GNG12: variants seen among roughly 807,000 people sequenced by gnomAD.
GNG12 encodes the protein G protein subunit gamma 12.
For synonymous variants in GNG12, 28 were observed against 29.7 expected, an observed-to-expected ratio of 0.94 and a Z score of 0.19; for missense variants, 69 against 83.8, an observed-to-expected ratio of 0.82 and a Z score of 0.69.
chr1:67,818,326 T>C lies in GNG12; in HGVS notation c.-77+15018A>G, dbSNP rs565729199. Among the ~76,000 whole-genome samples, 15 of 152,044 alleles carry C rather than the reference T, an allele frequency of 9.9e-5. No homozygotes were observed. The South Asian group carries it at 2.7e-3, about 27-fold the overall frequency. On this transcript the variant is annotated intron_variant, in intron 1 of 3. Transcript: ENST00000370982. ...AGAGATTTAAGGTTACACAGTGAGT[T>C]TGGACAACTTGGCCAATGTGAATCA...
intron 3 of GNG12, among the ~76,000 whole-genome samples, chr1:67,706,368 T>C (rs1199333082): frequency 1.3e-5 from 2 of 152,200 alleles, no homozygotes; most frequent in East Asian, 1.9e-4. Context: ...CAGGATTTAC[T>C]GTTAGAGATT....
chr1:67,804,339 G>A (rs1646882786), intron 1 of GNG12, among the ~76,000 whole-genome samples: 1 of 152,124 alleles, frequency 6.6e-6, no homozygotes. Flanking sequence ...TAGTTATGAA[G>A]ACAACTTCGT....
At chr1:67,748,418 C>A (rs986538399) in intron 2 of GNG12, among the ~76,000 whole-genome samples, 2 of 151,996 alleles carry the variant, frequency 1.3e-5, no homozygotes, top group African/African-American at 4.8e-5. Flanking sequence ...AAAAAAATAA[C>A]AATAATCTCT....
At chr1:67,793,654 C>T (rs934170692) in intron 1 of GNG12, among the ~76,000 whole-genome samples, 12 of 152,070 alleles carry the variant, frequency 7.9e-5, no homozygotes, top group Admixed American at 5.9e-4. Context: ...GGCTTTCTTC[C>T]GCTGTTCTCT....
At chr1:67,792,569 C>T (rs1056716828) in intron 1 of GNG12, among the ~76,000 whole-genome samples, 6 of 152,190 alleles carry the variant, frequency 3.9e-5, no homozygotes, top group African/African-American at 1.4e-4. Context: ...TTGCCTCTAA[C>T]TAAAGCCTCA....
chr1:67,705,666 A>T, intron 3 of GNG12, 90 bp from the exon 4 acceptor site: 1 of 1,463,534 alleles, frequency 6.8e-7, no homozygotes, highest in Non-Finnish European at 9.0e-7. Flanking sequence ...TATTGAATGG[A>T]AGACTGATTT....
intron 1 of GNG12, among the ~76,000 whole-genome samples, chr1:67,815,568 T>G (rs17130314): frequency 0.099 from 15,050 of 152,230 alleles, 891 homozygotes; most frequent in African/African-American, 0.11. Context: ...TGTGTCGAAA[T>G]GGAAGCGGTG....
intron 2 of GNG12, among the ~76,000 whole-genome samples, chr1:67,726,305 T>C (rs939446149): frequency 1.6e-4 from 24 of 152,244 alleles, no homozygotes; most frequent in Admixed American, 6.5e-5. Flanking sequence ...TCATATTATA[T>C]TGTGCTTTAT....
intron 2 of GNG12, among the ~76,000 whole-genome samples, chr1:67,739,195 CA>C (rs1646469233): frequency 6.6e-6 from 1 of 151,960 alleles, no homozygotes; most frequent in South Asian, 2.1e-4. Flanking sequence ...CAAACAAAAA[CA>C]AAAAAACCCC....
intron 3 of GNG12, 21 bp downstream of exon 3, chr1:67,707,573 T>TA: frequency 1.6e-6 from 2 of 1,242,370 alleles, no homozygotes; most frequent in Non-Finnish European, 1.2e-6. Context: ...AAGCATATGT[T>TA]ATCCAGTCGG....
chr1:67,732,708 G>A (rs993317950), intron 2 of GNG12, among the ~76,000 whole-genome samples: 2 of 152,200 alleles, frequency 1.3e-5, no homozygotes, highest in Non-Finnish European at 2.9e-5. Flanking sequence ...AGAGGAAACT[G>A]AGGCAAAAGG....
chr1:67,801,972 AGGAG>A (rs771445523), intron 1 of GNG12, among the ~76,000 whole-genome samples: 20 of 152,008 alleles, frequency 1.3e-4, no homozygotes, highest in Non-Finnish European at 2.8e-4. Context: ...AGGAAGAAAA[AGGAG>A]GGAGGTACAG....
chr1:67,780,503 T>C (rs537780597), intron 1 of GNG12, among the ~76,000 whole-genome samples: 22 of 152,192 alleles, frequency 1.4e-4, no homozygotes, highest in Non-Finnish European at 2.5e-4. Flanking sequence ...TAGCTCATTT[T>C]TGTCTCTCCA....
chr1:67,750,657 G>T (rs1035797950), intron 2 of GNG12, among the ~76,000 whole-genome samples: 1 of 152,194 alleles, frequency 6.6e-6, no homozygotes, highest in African/African-American at 2.4e-5. Flanking sequence ...TGGTTTCAAA[G>T]AAGGTATTTA....
intron 2 of GNG12, among the ~76,000 whole-genome samples, chr1:67,756,348 G>A (rs1646568260): frequency 6.6e-6 from 1 of 152,220 alleles, no homozygotes; most frequent in Non-Finnish European, 1.5e-5. Context: ...ATATGAGGTA[G>A]GAGAGACAAG....
chr1:67,773,234 T>C (rs986045305), intron 2 of GNG12, among the ~76,000 whole-genome samples: 1 of 152,182 alleles, frequency 6.6e-6, no homozygotes. Context: ...ATTAAAACTT[T>C]TTCTTCCTAC....
intron 1 of GNG12, among the ~76,000 whole-genome samples, chr1:67,823,057 A>G (rs1646993032): frequency 6.6e-6 from 1 of 152,192 alleles, no homozygotes; most frequent in Non-Finnish European, 1.5e-5. Context: ...CTGGAAATAC[A>G]GTAGACAGAG....
At chr1:67,788,696 C>T (rs904106937) in intron 1 of GNG12, among the ~76,000 whole-genome samples, 6 of 152,120 alleles carry the variant, frequency 3.9e-5, no homozygotes, top group African/African-American at 7.2e-5. Flanking sequence ...TACTTACACA[C>T]GAAGAGTAGT....
intron 1 of GNG12, among the ~76,000 whole-genome samples, chr1:67,795,474 A>C (rs1646825866): frequency 6.6e-6 from 1 of 152,236 alleles, no homozygotes; most frequent in Admixed American, 6.5e-5. Context: ...TAGGTCGTCC[A>C]TACATATCTG....
Sources: allele counts gnomAD v4.1 joint callset (sites outside exome capture counted in the v4.1 genomes callset), GRCh38; gene constraint gnomAD v4.1.1; transcripts MANE v1.5; gene names NCBI Gene and HGNC (gene_info 2026-07-23, HGNC 2026-07-21).